NEBL: variants seen among roughly 807,000 people sequenced by gnomAD.
The protein encoded by NEBL is nebulette.
Under a neutral mutation model 140.2 loss-of-function variants are expected in NEBL, and 122 were observed. The ratio of observed to expected loss-of-function variants is 0.87; its 90% CI spans 0.75 to 1.01. The LOEUF is 1.01. Among genes scored for constraint, NEBL ranks in the 50% least tolerant of loss-of-function variants. The pLI is 0.00. For synonymous variants in NEBL, 436 were observed against 398.9 expected, an observed-to-expected ratio of 1.09 and a Z score of -1.11; for missense variants, 1,365 against 1,231.3, an observed-to-expected ratio of 1.11 and a Z score of -1.62.
At chr10:21,082,923 T>C (rs1836453312) in intron 2 of NEBL, among the ~76,000 whole-genome samples, 1 of 152,060 alleles carries the variant, frequency 6.6e-6, no homozygotes, top group African/African-American at 2.4e-5. Flanking sequence ...CCACCACACC[T>C]GGCTAATTTT....
At chr10:21,272,118 A>ATTTTTTTTTTTTTTTTTTTT (rs10678454) in intron 1 of NEBL, among the ~76,000 whole-genome samples, 29 of 79,090 alleles carry the variant, frequency 3.7e-4, no homozygotes, top group Non-Finnish European at 5.1e-4. Context: ...CACTTGGTTA[A>ATTTTTTTTTTTTTTTTTTTT]TTTTTTTTTT....
At chr10:21,237,368 C>T (rs1488313101) in intron 3 of NEBL, among the ~76,000 whole-genome samples, 1 of 151,792 alleles carries the variant, frequency 6.6e-6, no homozygotes, top group African/African-American at 2.4e-5. Context: ...CCACACCTGG[C>T]TAATGTTTGT....
chr10:21,087,750 CA>C (rs1228403428), intron 2 of NEBL, among the ~76,000 whole-genome samples: 1 of 152,214 alleles, frequency 6.6e-6, no homozygotes, highest in East Asian at 1.9e-4. Flanking sequence ...CCCTAGTTTG[CA>C]GCCCTGACCT....
At chr10:21,126,193 C>A in intron 2 of NEBL, 1 of 1,453,280 alleles carries the variant, frequency 6.9e-7, no homozygotes, top group Non-Finnish European at 9.4e-7. Context: ...AAAAATACCA[C>A]ATTTGGAATA....
chr10:21,173,815 G>C lies in NEBL; in HGVS notation c.19C>G (p.Arg7Gly). 6.2e-7 allele frequency: 1 copy of C among 1,612,608 alleles called. No individual in the cohort carries two copies. The highest frequency in any genetic ancestry group is 1.1e-5 in the South Asian group (1 of 91,078). Residue 7 changes from arginine (R) to glycine (G), a missense_variant, in exon 1 of 7, where the codon CGT (arginine) becomes GGT (glycine). By Grantham distance (125) the Arg-to-Gly change is moderately radical. Transcript: ENST00000417816. The surrounding 1 kb of genome is among the most constrained non-coding windows in gnomAD (Gnocchi z 5.7). ...GTGGGATACACGACTTTTCCGCAAC[G>C]GGCGCACTGGGGGTTCATGATCGCG... is the stretch of plus-strand genomic sequence containing the variant.
At chr10:20,972,023 A>T (rs909548669) in intron 3 of NEBL, among the ~76,000 whole-genome samples, 1 of 152,236 alleles carries the variant, frequency 6.6e-6, no homozygotes, top group African/African-American at 2.4e-5. Flanking sequence ...ACATATTCTG[A>T]ATTATAAAGT....
intron 2 of NEBL, among the ~76,000 whole-genome samples, chr10:21,089,171 T>A (rs1310305672): frequency 6.6e-6 from 1 of 151,830 alleles, no homozygotes; most frequent in East Asian, 1.9e-4. Context: ...TTGAGCGGAG[T>A]CTAGAGGATG....
Position 21,173,193 on chromosome 10 carries a change from CCCCA to C in NEBL, c.69+568_69+571del, listed in dbSNP as rs1340313176. On this transcript the variant is annotated intron_variant, in intron 1 of 6. Transcript: ENST00000417816. This position sits in a 1 kb window ranked among gnomAD's most constrained non-coding sequence, Gnocchi z 5.7. ...CTACAGAACTACTTCCCCTGGAATT[CCCCA>C]CCCGGTGGATTAGACACCCGTGGGT... is the stretch of plus-strand genomic sequence containing the variant. Among the ~76,000 whole-genome samples the C allele has an allele frequency of 6.6e-6, 1 of 152,228 alleles. No individual in the cohort carries two copies. The highest frequency in any genetic ancestry group is 1.5e-5 in the Non-Finnish European group (1 of 68,036).
At chr10:20,992,870 C>A (rs1385008992) in intron 3 of NEBL, among the ~76,000 whole-genome samples, 2 of 145,286 alleles carry the variant, frequency 1.4e-5, no homozygotes. Flanking sequence ...CTCCGCCTCC[C>A]AGGTTCATAC....
At position 20,888,103 on chromosome 10, in the gene NEBL, CTG is replaced by C; in HGVS notation, c.361_362del (p.Gln121GlufsTer2). 6.2e-7 allele frequency: 1 copy of C among 1,605,284 alleles called. No homozygotes were observed. Among genetic ancestry groups the C allele is most frequent in the East Asian group, 2.2e-5 (1 of 44,836 alleles). Reference protein sequence around the residue: ...SVFAGEVTQLQSEVAYKQKHD... With the variant: ...SVFAGEVTQLXSEVAYKQKHD... ...CACTTTAGAAAAACCCTACCTCACT[CTG>C]GAGCTGTGTAACTTCTCCTGCAAAA... is the stretch of plus-strand genomic sequence containing the variant. On this transcript the variant is annotated frameshift_variant, in exon 4 of 28. Transcript: ENST00000377122. LOFTEE classifies it high-confidence loss of function.
intron 3 of NEBL, among the ~76,000 whole-genome samples, chr10:21,210,777 G>A (rs368693482): frequency 3.3e-5 from 5 of 152,126 alleles, no homozygotes; most frequent in East Asian, 1.9e-4. Flanking sequence ...AGGAACATAC[G>A]TTAAGATATC....
intron 3 of NEBL, among the ~76,000 whole-genome samples, chr10:21,018,919 T>C (rs1838668535): frequency 1.3e-5 from 2 of 152,084 alleles, no homozygotes; most frequent in African/African-American, 4.8e-5. Flanking sequence ...TCCCAGCTAT[T>C]GGGGAGGCTG....
intron 2 of NEBL, among the ~76,000 whole-genome samples, chr10:21,143,251 T>G (rs1564525807): frequency 6.6e-6 from 1 of 151,708 alleles, no homozygotes; most frequent in Non-Finnish European, 1.5e-5. Flanking sequence ...GGGTTTGAGA[T>G]CAGCCTGGCC....
At chr10:21,188,503 A>T (rs576754212) in intron 3 of NEBL, among the ~76,000 whole-genome samples, 4 of 151,992 alleles carry the variant, frequency 2.6e-5, no homozygotes, top group Non-Finnish European at 5.9e-5. Flanking sequence ...AAAGTTTAAC[A>T]TGTGTTATAA....
rs553746466 is a variant in NEBL, at chr10:21,136,988, T to A, written c.164+35395A>T. On this transcript the variant is annotated intron_variant, in intron 2 of 6. Transcript: ENST00000417816. ...TTTAAATCAGTGCTTTCTGGTGACT[T>A]CCCTGACTGGCATAGCATTTTCTTA... Among the ~76,000 whole-genome samples the A allele has an allele frequency of 4.6e-5, 7 of 152,270 alleles. No homozygotes were observed. In the East Asian group the frequency reaches 1.4e-3, roughly 29 times the overall value.
In NEBL at chr10:20,831,499, T is replaced by G; in HGVS notation, c.1534A>C (p.Lys512Gln). ...TGGCTGGCCATCTCGGATGCTTTCT[T>G]AGCTCTCTGGACATCAAGAGTGTCT... ...STDTLDVQRA[K>Q]KASEMASQKQ... The change falls in exon 15 of 28, where the codon AAG (lysine) becomes CAG (glutamine). Residue 512 changes from lysine (K) to glutamine (Q), a missense_variant. By Grantham distance (53) the Lys-to-Gln change is moderately conservative. Transcript: ENST00000377122. 6.2e-7 allele frequency: 1 copy of G among 1,611,858 alleles called. No individual in the cohort carries two copies. The highest frequency in any genetic ancestry group is 8.5e-7 in the Non-Finnish European group (1 of 1,178,904).
At chr10:20,912,210 C>T (rs1238642009) in intron 4 of NEBL, among the ~76,000 whole-genome samples, 5 of 152,100 alleles carry the variant, frequency 3.3e-5, no homozygotes, top group Admixed American at 2.6e-4. Flanking sequence ...TTATAGTTTC[C>T]GTTGTATTAC....
intron 2 of NEBL, among the ~76,000 whole-genome samples, chr10:21,074,722 C>T (rs1835984534): frequency 1.3e-5 from 2 of 152,224 alleles, no homozygotes; most frequent in Admixed American, 6.5e-5. Context: ...TCATGATCCG[C>T]CTGCCTCGGC....
intron 2 of NEBL, among the ~76,000 whole-genome samples, chr10:21,095,421 T>TTTTAAAA (rs1837140941): frequency 6.6e-6 from 1 of 152,234 alleles, no homozygotes; most frequent in Non-Finnish European, 1.5e-5. Context: ...CGATGTAGAA[T>TTTTAAAA]TTTAAAATTC....
Sources: gnomAD v4.1 joint callset for allele counts (sites outside exome capture counted in the v4.1 genomes callset) on GRCh38, gnomAD v4.1.1 for gene constraint, Gnocchi (gnomAD v3.1) non-coding constraint, MANE v1.5 for transcripts, NCBI Gene and HGNC (gene_info 2026-07-23, HGNC 2026-07-21) for gene names.